ZFP64: variants seen among roughly 807,000 people sequenced by gnomAD.
The protein encoded by ZFP64 is zinc finger protein 64.
ZFP64 carries 14 observed loss-of-function variants against 51.6 expected under a neutral mutation model. That is an observed-to-expected ratio of 0.27 (90% CI 0.18 to 0.42). The LOEUF is 0.42. Among genes scored for constraint, ZFP64 ranks in the 10% least tolerant of loss-of-function variants. The pLI is 1.00. For missense variants in ZFP64, 754 were observed against 906.8 expected, an observed-to-expected ratio of 0.83 and a Z score of 2.16; for synonymous variants, 375 against 361.4, an observed-to-expected ratio of 1.04 and a Z score of -0.43.
Position 52,085,408 on chromosome 20 carries a change from T to C in ZFP64, c.1229-142A>G. Reference sequence around the variant, plus strand: ...CCAACCTCCTAATGACAACACTTGTTGTGCATATTAATGCAATCCTCACAA... The same window carrying C: ...CCAACCTCCTAATGACAACACTTGTCGTGCATATTAATGCAATCCTCACAA... On this transcript the variant is annotated intron_variant, in intron 8 of 8. Transcript: ENST00000361387. The surrounding 1 kb of genome is among the most constrained non-coding windows in gnomAD (Gnocchi z 4.3). The C allele has an allele frequency of 1.1e-6, 1 of 891,426 alleles. No homozygotes were observed. Among genetic ancestry groups the C allele is most frequent in the Middle Eastern group, 2.3e-4 (1 of 4,372 alleles). 55.2% of individuals were successfully genotyped at this position (891,426 alleles called of 1,614,324 possible).
At chr20:52,187,233 G>T (rs964933645) in intron 1 of ZFP64, among the ~76,000 whole-genome samples, 162 bp from the exon 2 acceptor site, 2 of 152,136 alleles carry the variant, frequency 1.3e-5, no homozygotes, top group African/African-American at 2.4e-5. Context: ...CATCCTAATT[G>T]TGCCCTAGCA....
At chr20:52,174,437 C>T (rs1315553690) in intron 2 of ZFP64, among the ~76,000 whole-genome samples, 10 of 144,310 alleles carry the variant, frequency 6.9e-5, no homozygotes, top group African/African-American at 1.0e-4. Flanking sequence ...GGGCCAAGAT[C>T]GCGTCATTGC....
At chr20:52,117,657 A>G (rs1978948357) in intron 5 of ZFP64, 1 of 456,646 alleles carries the variant, frequency 2.2e-6, no homozygotes, top group South Asian at 1.5e-5. Flanking sequence ...GAAGATTCCC[A>G]TGTGACTTCT....
intron 4 of ZFP64, among the ~76,000 whole-genome samples, chr20:52,162,521 G>A (rs1321953726): frequency 2.0e-5 from 3 of 151,680 alleles, no homozygotes; most frequent in South Asian, 2.1e-4. Context: ...CAGCTACTCG[G>A]GAGAATGAGG....
chr20:52,163,235 C>A, intron 4 of ZFP64, among the ~76,000 whole-genome samples: 1 of 152,032 alleles, frequency 6.6e-6, no homozygotes, highest in Admixed American at 6.6e-5. Context: ...TTGGTGCATG[C>A]CTGTAATCCC....
At position 52,151,699 on chromosome 20, in the gene ZFP64, T is replaced by C. The variant is rs1397031134; in HGVS notation, c.*447A>G. The C allele has an allele frequency of 2.0e-6, 2 of 996,734 alleles. No homozygotes were observed. Among genetic ancestry groups the C allele is most frequent in the African/African-American group, 3.5e-5 (2 of 57,368 alleles). 61.7% of individuals were successfully genotyped at this position (996,734 alleles called of 1,614,324 possible). A position where few individuals can be genotyped will look rare whatever the true frequency, so the allele number is the denominator to read the frequency against. ...GTGTTAAAAAAATTATAGTAAGCAGTATAAAATTACAATTTATTATGGGGC... is the reference window on the plus strand; with the variant it reads ...GTGTTAAAAAAATTATAGTAAGCAGCATAAAATTACAATTTATTATGGGGC... On this transcript the variant is annotated 3_prime_UTR_variant, in exon 6 of 6. Coordinates refer to ENST00000216923, the MANE Select transcript of ZFP64 (RefSeq NM_018197.3).
chr20:52,173,790 A>G (rs1376962746), intron 2 of ZFP64, among the ~76,000 whole-genome samples: 2 of 152,030 alleles, frequency 1.3e-5, no homozygotes, highest in Non-Finnish European at 2.9e-5. Context: ...CTGGGACTAA[A>G]GGTGTGCGCC....
intron 7 of ZFP64, among the ~76,000 whole-genome samples, chr20:52,091,703 C>T (rs534416387): frequency 9.9e-5 from 15 of 151,348 alleles, no homozygotes; most frequent in Admixed American, 2.6e-4. Context: ...AACCTATGGC[C>T]GTGGCTGGGC....
intron 5 of ZFP64, among the ~76,000 whole-genome samples, chr20:52,120,022 T>C (rs770651183): frequency 2.6e-4 from 39 of 152,142 alleles, no homozygotes; most frequent in Non-Finnish European, 4.7e-4. Flanking sequence ...AACACGGCTT[T>C]GGGCAGGTGT....
At chr20:52,133,989 A>G (rs1979847338) in intron 5 of ZFP64, among the ~76,000 whole-genome samples, 2 of 146,940 alleles carry the variant, frequency 1.4e-5, no homozygotes, top group African/African-American at 5.1e-5. Flanking sequence ...TGATCATGCC[A>G]TTGCATTCCA....
chr20:52,105,215 T>C, intron 5 of ZFP64: 3 of 1,376,142 alleles, frequency 2.2e-6, no homozygotes, highest in East Asian at 3.0e-5. Context: ...GTGCTGGGGC[T>C]TGGCCTGCTT....
intron 7 of ZFP64, among the ~76,000 whole-genome samples, chr20:52,091,397 A>G (rs1444492444): frequency 6.6e-6 from 1 of 152,174 alleles, no homozygotes; most frequent in Non-Finnish European, 1.5e-5. Context: ...AATGCTCTGA[A>G]GATACCTAAA....
chr20:52,135,673 G>A (rs1305598065), intron 5 of ZFP64, among the ~76,000 whole-genome samples: 1 of 151,960 alleles, frequency 6.6e-6, no homozygotes, highest in Non-Finnish European at 1.5e-5. Flanking sequence ...AATTTTTGTA[G>A]AGGCAGGGTT....
At chr20:52,131,843 A>C (rs1409949881) in intron 5 of ZFP64, among the ~76,000 whole-genome samples, 2 of 152,202 alleles carry the variant, frequency 1.3e-5, no homozygotes, top group Admixed American at 1.3e-4. Flanking sequence ...GAAACATCGG[A>C]CTTAATCTGC....
intron 5 of ZFP64, among the ~76,000 whole-genome samples, chr20:52,129,582 C>T (rs1434214217): frequency 6.6e-6 from 1 of 152,142 alleles, no homozygotes; most frequent in Non-Finnish European, 1.5e-5. Context: ...CCTCACTCCT[C>T]CGTTCTTTGT....
intron 5 of ZFP64, among the ~76,000 whole-genome samples, chr20:52,099,967 A>G (rs999555794): frequency 2.6e-5 from 4 of 152,230 alleles, no homozygotes; most frequent in African/African-American, 9.6e-5. Flanking sequence ...CTTAAATCTA[A>G]AAGGAAAAAA....
chr20:52,164,334 T>G (rs1982066187), intron 4 of ZFP64, among the ~76,000 whole-genome samples: 1 of 152,156 alleles, frequency 6.6e-6, no homozygotes. Flanking sequence ...CTTATTCCTC[T>G]CTTTACTAAT....
At chr20:52,175,861 G>GGC in intron 2 of ZFP64, 35 of 238,620 alleles carry the variant, frequency 1.5e-4, no homozygotes, top group Non-Finnish European at 1.9e-4. Flanking sequence ...CACCCCCGCT[G>GGC]CCGCCCCCGC....
chr20:52,181,459 C>T (rs1292441986), intron 2 of ZFP64, among the ~76,000 whole-genome samples: 1 of 152,136 alleles, frequency 6.6e-6, no homozygotes, highest in Non-Finnish European at 1.5e-5. Context: ...GTCCTTAAGT[C>T]ACATGCCAGA....
Sources: gnomAD v4.1 joint callset for allele counts (sites outside exome capture counted in the v4.1 genomes callset) on GRCh38, gnomAD v4.1.1 for gene constraint, Gnocchi (gnomAD v3.1) non-coding constraint, MANE v1.5 for transcripts, NCBI Gene and HGNC (gene_info 2026-07-23, HGNC 2026-07-21) for gene names.